NPFFR2: variants seen among roughly 807,000 people sequenced by gnomAD.
NPFFR2 encodes G-protein coupled receptor 74.
NPFFR2 carries 15 observed loss-of-function variants against 13.1 expected under a neutral mutation model. The ratio of observed to expected loss-of-function variants is 1.15; its 90% CI spans 0.77 to 1.76. The LOEUF (loss-of-function observed/expected upper bound fraction) is 1.76, where lower values mean the gene tolerates loss of function less well. Among genes scored for constraint, NPFFR2 ranks in the 40% most tolerant of loss-of-function variants. The pLI is 0.00. For synonymous variants in NPFFR2, 190 were observed against 175.7 expected (o/e 1.08, Z -0.65); for missense variants, 572 against 503.5 (o/e 1.14, Z -1.30).
intron 2 of NPFFR2, among the ~76,000 whole-genome samples, chr4:72,134,104 A>C (rs1356545799): frequency 6.6e-6 from 1 of 152,046 alleles, no homozygotes; most frequent in African/African-American, 2.4e-5. Context: ...ATCTCTATGA[A>C]AAATACAAAA....
intron 1 of NPFFR2, among the ~76,000 whole-genome samples, chr4:72,076,002 CACACAGAGAGAGAGAGAG>C (rs755837322): frequency 0.3 from 9,124 of 30,800 alleles, 372 homozygotes; most frequent in Non-Finnish European, 0.46. Context: ...CACACACACA[CACACAGAGAGAGAGAGAG>C]GGCAGACAGC....
Position 72,148,131 on chromosome 4 carries a change from A to C in NPFFR2, c.*319A>C, listed in dbSNP as rs561788491. Reference sequence around the variant, plus strand: ...AAATCAAGCCTGCACGCGTGCGTGCATGTGTGTGTGTATTTTCCCCAAATG... The same window carrying C: ...AAATCAAGCCTGCACGCGTGCGTGCCTGTGTGTGTGTATTTTCCCCAAATG... On this transcript the variant is annotated 3_prime_UTR_variant, in exon 4 of 4. Coordinates refer to ENST00000308744, the MANE Select transcript of NPFFR2 (RefSeq NM_004885.3). 2 of 213,816 alleles carry C rather than the reference A, an allele frequency of 9.4e-6. No homozygotes were observed. The highest frequency in any genetic ancestry group is 1.8e-5 in the Non-Finnish European group (2 of 109,278). 13.2% of individuals were successfully genotyped at this position (213,816 alleles called of 1,614,324 possible). A position where few individuals can be genotyped will look rare whatever the true frequency, so the allele number is the denominator to read the frequency against.
At chr4:72,096,905 ACTGT>A (rs1283055781) in intron 1 of NPFFR2, among the ~76,000 whole-genome samples, 11 of 152,118 alleles carry the variant, frequency 7.2e-5, no homozygotes, top group Non-Finnish European at 1.6e-4. Context: ...TAAATTGAGG[ACTGT>A]CTATGTAATA....
At chr4:72,099,454 G>T (rs1456622454) in intron 1 of NPFFR2, among the ~76,000 whole-genome samples, 1 of 152,160 alleles carries the variant, frequency 6.6e-6, no homozygotes, top group Non-Finnish European at 1.5e-5. Context: ...TCAGGGTTCT[G>T]CAGGCTGTAC....
chr4:72,037,486 C>T (rs1011700752), intron 1 of NPFFR2, among the ~76,000 whole-genome samples: 8 of 151,680 alleles, frequency 5.3e-5, no homozygotes, highest in African/African-American at 1.9e-4. Context: ...ATTCTTGGCA[C>T]ACTGATAATA....
intron 1 of NPFFR2, among the ~76,000 whole-genome samples, chr4:72,055,200 T>C (rs1471061671): frequency 6.6e-6 from 1 of 152,018 alleles, no homozygotes; most frequent in Non-Finnish European, 1.5e-5. Context: ...TGAAAGTTTG[T>C]GGTAACCTTG....
chr4:72,091,650 T>A (rs1347773211), intron 1 of NPFFR2, among the ~76,000 whole-genome samples: 1 of 152,120 alleles, frequency 6.6e-6, no homozygotes, highest in Non-Finnish European at 1.5e-5. Flanking sequence ...TTGAGTAAAC[T>A]TTTGTATTTC....
chr4:72,060,268 C>A (rs1488753277), intron 1 of NPFFR2, among the ~76,000 whole-genome samples: 2 of 152,072 alleles, frequency 1.3e-5, no homozygotes, highest in African/African-American at 2.4e-5. Context: ...ACCTACCTCC[C>A]ATTAGAATAA....
chr4:72,090,553 A>G (rs1720891569), intron 1 of NPFFR2, among the ~76,000 whole-genome samples: 1 of 151,914 alleles, frequency 6.6e-6, no homozygotes, highest in South Asian at 2.1e-4. Context: ...CTGGTTATGT[A>G]TATTCCTAAG....
rs542700411 is a variant in NPFFR2, at chr4:72,104,655, C to T, written c.-7-23930C>T. ...ATAAAGGACTCAGAACTAACTTCTA[C>T]CCCTGGTACTTTCCTTATGCTTCTC... On this transcript the variant is annotated intron_variant, in intron 1 of 3. Coordinates refer to ENST00000308744, the MANE Select transcript of NPFFR2 (RefSeq NM_004885.3). Among the ~76,000 whole-genome samples the T allele has an allele frequency of 2.6e-5, 4 of 152,124 alleles. No individual in the cohort carries two copies. In the South Asian group the frequency reaches 8.3e-4, roughly 32 times the overall value.
chr4:72,106,534 C>G (rs919388800), intron 1 of NPFFR2, among the ~76,000 whole-genome samples: 1 of 152,066 alleles, frequency 6.6e-6, no homozygotes, highest in South Asian at 2.1e-4. Context: ...TATAATAACA[C>G]TCAGAAAAGT....
chr4:72,049,282 G>C (rs1011260103), intron 1 of NPFFR2, among the ~76,000 whole-genome samples: 1 of 152,062 alleles, frequency 6.6e-6, no homozygotes, highest in Non-Finnish European at 1.5e-5. Flanking sequence ...TGTCAAGGCT[G>C]TGTTGTGTCT....
At chr4:72,144,282 A>G (rs1328315897) in intron 3 of NPFFR2, among the ~76,000 whole-genome samples, 2 of 152,088 alleles carry the variant, frequency 1.3e-5, no homozygotes, top group Admixed American at 6.5e-5. Flanking sequence ...GACTTCTTAT[A>G]TGTCAGTTCA....
chr4:72,117,599 T>C (rs1721750370), intron 1 of NPFFR2, among the ~76,000 whole-genome samples: 1 of 146,982 alleles, frequency 6.8e-6, no homozygotes, highest in Admixed American at 6.6e-5. Flanking sequence ...GTCTACTTCA[T>C]TGTTCCCCAG....
At chr4:72,071,242 AT>A (rs1388688362) in intron 1 of NPFFR2, among the ~76,000 whole-genome samples, 5 of 152,178 alleles carry the variant, frequency 3.3e-5, no homozygotes, top group African/African-American at 1.2e-4. Flanking sequence ...GTAAATGTCA[AT>A]GCTGTATGGT....
At chr4:72,116,561 CTAAAA>C (rs1362634248) in intron 1 of NPFFR2, among the ~76,000 whole-genome samples, 2 of 151,660 alleles carry the variant, frequency 1.3e-5, no homozygotes, top group Non-Finnish European at 2.9e-5. Flanking sequence ...ACCCCTGAAC[CTAAAA>C]TAAAAGTTGA....
chr4:72,119,985 C>G (rs552253841), intron 1 of NPFFR2, among the ~76,000 whole-genome samples: 1 of 152,238 alleles, frequency 6.6e-6, no homozygotes, highest in African/African-American at 2.4e-5. Context: ...TGGTCTGGCT[C>G]AGTGGTCCCA....
intron 3 of NPFFR2, among the ~76,000 whole-genome samples, chr4:72,139,007 G>T (rs1159109623): frequency 6.6e-6 from 1 of 152,166 alleles, no homozygotes; most frequent in Non-Finnish European, 1.5e-5. Flanking sequence ...TTTCTCTGAT[G>T]ACCAGTGATG....
chr4:72,050,686 A>G (rs1391419871), intron 1 of NPFFR2, among the ~76,000 whole-genome samples: 4 of 151,920 alleles, frequency 2.6e-5, no homozygotes, highest in Non-Finnish European at 4.4e-5. Context: ...ACATGTATAC[A>G]TGTGACATGC....
Sources: gnomAD v4.1 joint callset for allele counts (sites outside exome capture counted in the v4.1 genomes callset) on GRCh38, gnomAD v4.1.1 for gene constraint, MANE v1.5 for transcripts, NCBI Gene and HGNC (gene_info 2026-07-23, HGNC 2026-07-21) for gene names.